The following ASMTL variants were observed in gnomAD, a reference collection of about 807,000 sequenced individuals.
ASMTL encodes probable bifunctional dTTP/UTP pyrophosphatase/methyltransferase protein.
ASMTL carries 57 observed loss-of-function variants against 60.3 expected under a neutral mutation model. The observed-to-expected ratio is 0.95, with a 90% confidence interval of 0.76 to 1.18. The LOEUF is 1.18. Ranked by LOEUF, ASMTL falls within the 50% of genes most tolerant of loss-of-function variation. ASMTL has a pLI of 0.00. For missense variants in ASMTL, 981 were observed against 852.6 expected, an observed-to-expected ratio of 1.15 and a Z score of -1.88; for synonymous variants, 419 against 373.0, an observed-to-expected ratio of 1.12 and a Z score of -1.42.
At chrX:1,435,668 G>A (rs370146854) in intron 4 of ASMTL, 26 bp downstream of exon 4, 47 of 1,612,366 alleles carry the variant, frequency 2.9e-5, no homozygotes, top group Non-Finnish European at 3.8e-5. Flanking sequence ...AACCCGAGAG[G>A]GCTCAGAGGC....
intron 1 of ASMTL, among the ~76,000 whole-genome samples, chrX:1,450,697 TCA>T (rs1181339412): frequency 8.5e-6 from 1 of 118,080 alleles, no homozygotes; most frequent in Non-Finnish European, 1.7e-5. Flanking sequence ...GGGTTCCGGG[TCA>T]CACTCCCCAA....
At chrX:1,411,773 C>T (rs1378278288) in intron 12 of ASMTL, among the ~76,000 whole-genome samples, 23 of 148,904 alleles carry the variant, frequency 1.5e-4, no homozygotes, top group Admixed American at 3.4e-4. Flanking sequence ...TTCAACTTCA[C>T]GAATAGTAAA....
rs1432782604 is a variant in ASMTL at position 1,451,130 on chromosome X, T to TC, written c.93+1617dup. Among the ~76,000 whole-genome samples the TC allele has an allele frequency of 5.1e-5, 4 of 78,570 alleles. 1 individual carries two copies. Among genetic ancestry groups the TC allele is most frequent in the African/African-American group, 3.2e-4 (4 of 12,564 alleles). The allele number at this position is 78,570 out of a possible 152,430, so 51.5% of individuals were successfully genotyped here. On this transcript the variant is annotated intron_variant, in intron 1 of 12. Coordinates refer to ENST00000381317, the MANE Select transcript of ASMTL (RefSeq NM_004192.4). ...TAGGCGGTCCTGGATCACTCTCCCC[T>TC]CCCCATTCCTAGGGGGTCCTGGGAC...
chrX:1,438,948 C>T (rs779801306), intron 3 of ASMTL, 149 bp downstream of exon 3: 4 of 887,698 alleles, frequency 4.5e-6, no homozygotes, highest in East Asian at 2.6e-5. Flanking sequence ...CCTTAGGCCC[C>T]TCATCTGCTG....
chrX:1,414,706 C>G (rs369236473), intron 11 of ASMTL, among the ~76,000 whole-genome samples: 149 of 152,178 alleles, frequency 9.8e-4, no homozygotes, highest in African/African-American at 3.5e-3. Context: ...AGACACCATT[C>G]AAACATAAAT....
At chrX:1,427,001 A>AAAAAC (rs1271973888) in intron 7 of ASMTL, among the ~76,000 whole-genome samples, 37 of 84,496 alleles carry the variant, frequency 4.4e-4, no homozygotes, top group Admixed American at 3.7e-3. Context: ...AAACAAAAAC[A>AAAAAC]AAAAAAAGAG....
At chrX:1,436,134 T>G (rs1340036501) in intron 3 of ASMTL, among the ~76,000 whole-genome samples, 2 of 152,178 alleles carry the variant, frequency 1.3e-5, no homozygotes, top group Non-Finnish European at 2.9e-5. Flanking sequence ...GACCGTGATG[T>G]CCTCAACATT....
intron 6 of ASMTL, among the ~76,000 whole-genome samples, chrX:1,430,265 G>T (rs1426348727): frequency 6.6e-6 from 1 of 152,074 alleles, no homozygotes; most frequent in African/African-American, 2.4e-5. Flanking sequence ...GCCTGCCTCG[G>T]CCTCCCAAAG....
chrX:1,445,108 C>T (rs1373833061), intron 1 of ASMTL, among the ~76,000 whole-genome samples: 1 of 152,186 alleles, frequency 6.6e-6, no homozygotes, highest in Non-Finnish European at 1.5e-5. Context: ...GTAAGATCTG[C>T]CCTCCTCTGA....
chrX:1,428,552 C>A (rs1352101270), intron 6 of ASMTL, among the ~76,000 whole-genome samples: 3 of 151,318 alleles, frequency 2.0e-5, no homozygotes, highest in African/African-American at 7.3e-5. Flanking sequence ...GAGGCTGAGA[C>A]AGGAGAATCA....
chrX:1,433,474 G>C (rs1193785147), intron 5 of ASMTL, among the ~76,000 whole-genome samples: 1 of 142,110 alleles, frequency 7.0e-6, no homozygotes, highest in African/African-American at 2.6e-5. Flanking sequence ...GACCCTCCTG[G>C]CTACCACGGT....
chrX:1,423,392 T>C (rs1382472694), intron 8 of ASMTL, among the ~76,000 whole-genome samples: 1 of 152,080 alleles, frequency 6.6e-6, no homozygotes, highest in East Asian at 1.9e-4. Flanking sequence ...ATGCTTTGTC[T>C]CCTAATCACA....
chrX:1,428,318 ATC>A, intron 6 of ASMTL, 197 bp from the exon 7 acceptor site: 1 of 116,608 alleles, frequency 8.6e-6, no homozygotes, highest in Non-Finnish European at 1.4e-5. Flanking sequence ...CGCCTTTGGC[ATC>A]TCAAAAAAAA....
At chrX:1,423,776 CCAT>C (rs1375229852) in intron 8 of ASMTL, among the ~76,000 whole-genome samples, 17 of 19,384 alleles carry the variant, frequency 8.8e-4, no homozygotes, top group South Asian at 7.5e-3. Flanking sequence ...GTCCACCCAC[CCAT>C]CCATCTATTC....
At chrX:1,438,928 C>A (rs1484535503) in intron 3 of ASMTL, 169 bp downstream of exon 3, 4 of 256,588 alleles carry the variant, frequency 1.6e-5, no homozygotes, top group African/African-American at 4.6e-5. Flanking sequence ...CGCCTGGCCC[C>A]TTCCCGTGCC....
intron 2 of ASMTL, among the ~76,000 whole-genome samples, chrX:1,440,395 T>C (rs1329199835): frequency 6.6e-6 from 1 of 152,088 alleles, no homozygotes; most frequent in African/African-American, 2.4e-5. Flanking sequence ...CGGCCCCGAA[T>C]GTATTTCTTA....
At chrX:1,410,477 C>T (rs1326649683) in intron 12 of ASMTL, among the ~76,000 whole-genome samples, 9 of 151,792 alleles carry the variant, frequency 5.9e-5, no homozygotes, top group South Asian at 2.1e-4. Flanking sequence ...TGCAGTGGCG[C>T]GATCTCTGCT....
At chrX:1,407,902 AGAG>A (rs1479978240) in intron 12 of ASMTL, among the ~76,000 whole-genome samples, 8 of 148,026 alleles carry the variant, frequency 5.4e-5, no homozygotes, top group African/African-American at 1.7e-4. Context: ...AAGAGGGAGA[AGAG>A]AGAGAAAGAG....
chrX:1,429,951 A>G (rs1442622373), intron 6 of ASMTL, among the ~76,000 whole-genome samples: 2 of 152,022 alleles, frequency 1.3e-5, no homozygotes, highest in Non-Finnish European at 2.9e-5. Context: ...TTTTCCAGTA[A>G]GACACTGTTC....
Sources: gnomAD v4.1 joint callset for allele counts (sites outside exome capture counted in the v4.1 genomes callset) on GRCh38, gnomAD v4.1.1 for gene constraint, MANE v1.5 for transcripts, NCBI Gene and HGNC (gene_info 2026-07-23, HGNC 2026-07-21) for gene names.